RAI1: variants seen among roughly 807,000 people sequenced by gnomAD.
RAI1 encodes the protein retinoic acid-induced protein 1.
In RAI1, 9 loss-of-function variants were observed where a neutral mutation model predicts 123.8. The ratio of observed to expected loss-of-function variants is 0.07; its 90% CI spans 0.04 to 0.13. The LOEUF (loss-of-function observed/expected upper bound fraction) is 0.13, where lower values mean the gene tolerates loss of function less well. Ranked by LOEUF, RAI1 falls within the 10% of genes least tolerant of loss-of-function variation. RAI1 has a pLI of 1.00. For missense variants in RAI1, 2,256 were observed against 2,545.8 expected, an observed-to-expected ratio of 0.89 and a Z score of 2.45; for synonymous variants, 1,231 against 1,127.3, an observed-to-expected ratio of 1.09 and a Z score of -1.84.
In RAI1 at chr17:17,795,148, G is replaced by A. The variant is rs780371904; in HGVS notation, c.2200G>A (p.Ala734Thr). 77 of 1,613,866 alleles carry A rather than the reference G, an allele frequency of 4.8e-5. No individual in the cohort carries two copies. The highest frequency in any genetic ancestry group is 5.9e-5 in the Non-Finnish European group (70 of 1,180,048). ...TTTTGACTGTTTCCCGGACACAACC[G>A]CTGCCAGCTCAGCGGACAGCGCCAA... is the stretch of plus-strand genomic sequence containing the variant. ...AAFDCFPDTTAASSADSANPF... is the reference protein window; with the variant it reads ...AAFDCFPDTTTASSADSANPF... The change falls in exon 3 of 6, where the codon GCT becomes ACT. Residue 734 changes from alanine to threonine, a missense_variant. By Grantham distance (58) the Ala-to-Thr change is moderately conservative (BLOSUM62 0). Coordinates refer to ENST00000353383, the MANE Select transcript of RAI1 (RefSeq NM_030665.4). The surrounding 1 kb of genome is among the most constrained non-coding windows in gnomAD (Gnocchi z 5.9).
chr17:17,741,927 T>A (rs1350434896), intron 2 of RAI1, among the ~76,000 whole-genome samples: 1 of 152,206 alleles, frequency 6.6e-6, no homozygotes, highest in Non-Finnish European at 1.5e-5. Flanking sequence ...GATGGGTAAA[T>A]CCGTTTTATC....
At chr17:17,716,703 A>G (rs994805738) in intron 1 of RAI1, among the ~76,000 whole-genome samples, 4 of 151,294 alleles carry the variant, frequency 2.6e-5, no homozygotes, top group Non-Finnish European at 4.4e-5. Flanking sequence ...GGGTGTGTCT[A>G]CGTGTGTGTC....
intron 2 of RAI1, among the ~76,000 whole-genome samples, chr17:17,769,375 C>T (rs758489881): frequency 1.3e-5 from 2 of 152,204 alleles, no homozygotes; most frequent in Admixed American, 6.5e-5. Context: ...TGGGACAGCC[C>T]GGGTCGGATC....
chr17:17,791,854 A>G (rs1425842589), intron 2 of RAI1, among the ~76,000 whole-genome samples: 1 of 151,930 alleles, frequency 6.6e-6, no homozygotes, highest in East Asian at 1.9e-4. Flanking sequence ...GGCTCCCGCA[A>G]CCCACCCTGG....
chr17:17,720,170 A>G (rs1431819938), intron 1 of RAI1, among the ~76,000 whole-genome samples: 1 of 152,166 alleles, frequency 6.6e-6, no homozygotes, highest in African/African-American at 2.4e-5. Context: ...TCTCTGGTCA[A>G]CAGCTCCTGT....
intron 2 of RAI1, among the ~76,000 whole-genome samples, chr17:17,746,458 GT>G (rs1269004910): frequency 6.6e-6 from 1 of 152,118 alleles, no homozygotes; most frequent in African/African-American, 2.4e-5. Flanking sequence ...GCCCTAAGGG[GT>G]TTAAGAGGAG....
intron 2 of RAI1, among the ~76,000 whole-genome samples, chr17:17,771,542 G>A: frequency 6.6e-6 from 1 of 152,340 alleles, no homozygotes; most frequent in South Asian, 2.1e-4. Flanking sequence ...TGAGGCGGGT[G>A]TTTGCCCGAA....
Position 17,797,849 on chromosome 17 carries a change from C to G in RAI1, c.4901C>G (p.Ser1634Cys), listed in dbSNP as rs767804365. ...HRKPSSSASS[S>C]SSSSSFSLDA... ...AAGCCTTCCTCCTCTGCCTCCTCTT[C>G]CTCATCCTCGTCCTCGTTCTCCTTG... The change falls in exon 3 of 6, where the codon TCC becomes TGC. Residue 1634 changes from serine (S) to cysteine (C), a missense_variant. Physicochemically the swap from Ser to Cys is moderately radical, Grantham distance 112 (BLOSUM62 -1). Transcript: ENST00000353383. 3.7e-6 allele frequency: 6 copies of G among 1,614,034 alleles called. No individual in the cohort carries two copies. The South Asian group carries it at 4.4e-5, about 12-fold the overall frequency.
intron 3 of RAI1, among the ~76,000 whole-genome samples, chr17:17,802,551 C>T (rs1381653527): frequency 2.6e-5 from 4 of 152,106 alleles, no homozygotes; most frequent in Admixed American, 1.3e-4. Context: ...CTGAGGTGGG[C>T]GGATCACGAG....
chr17:17,801,477 A>G lies in RAI1; in HGVS notation c.5566-2279A>G, dbSNP rs2032460585. Among the ~76,000 whole-genome samples the G allele has an allele frequency of 6.6e-6, 1 of 152,154 alleles. No individual in the cohort carries two copies. Among genetic ancestry groups the G allele is most frequent in the African/African-American group, 2.4e-5 (1 of 41,432 alleles). ...GGCCTCCGTGCAGTAAGTGGAGAGA[A>G]GCCTTCAGCCAGAGGACCCCCATAT... On this transcript the variant is annotated intron_variant, in intron 3 of 5. Coordinates refer to ENST00000353383, the MANE Select transcript of RAI1 (RefSeq NM_030665.4). This position sits in a 1 kb window ranked among gnomAD's most constrained non-coding sequence, Gnocchi z 4.1.
intron 1 of RAI1, among the ~76,000 whole-genome samples, chr17:17,709,199 G>A (rs759458479): frequency 2.0e-5 from 3 of 152,234 alleles, no homozygotes; most frequent in African/African-American, 7.2e-5. Context: ...CAAGGAGGGC[G>A]TAGCATCTGT....
At chr17:17,780,994 C>T (rs1235297865) in intron 2 of RAI1, among the ~76,000 whole-genome samples, 2 of 152,198 alleles carry the variant, frequency 1.3e-5, no homozygotes, top group African/African-American at 2.4e-5. Flanking sequence ...CCCCTCCCCT[C>T]CCAGGAGCTA....
At chr17:17,777,826 C>T (rs1362447804) in intron 2 of RAI1, 2 of 152,328 alleles carry the variant, frequency 1.3e-5, no homozygotes, top group East Asian at 3.8e-4. Flanking sequence ...TTTATCCGTG[C>T]ACTGCTGTCA....
chr17:17,790,425 A>T (rs2031971113), intron 2 of RAI1, among the ~76,000 whole-genome samples: 2 of 152,214 alleles, frequency 1.3e-5, no homozygotes, highest in South Asian at 4.1e-4. Context: ...CACCGCATCC[A>T]GCTGCTCGTG....
At chr17:17,695,442 A>G (rs1025677522) in intron 1 of RAI1, among the ~76,000 whole-genome samples, 21 of 151,554 alleles carry the variant, frequency 1.4e-4, no homozygotes, top group African/African-American at 5.1e-4. Flanking sequence ...TGCTGCCAAC[A>G]CTGCCCTGTC....
intron 2 of RAI1, among the ~76,000 whole-genome samples, chr17:17,725,633 C>T (rs970917429): frequency 2.6e-5 from 4 of 152,044 alleles, no homozygotes; most frequent in African/African-American, 4.8e-5. Context: ...GGTGGAAGAG[C>T]GAAGGGCTAG....
intron 1 of RAI1, among the ~76,000 whole-genome samples, chr17:17,683,126 T>A (rs1250250823): frequency 6.6e-6 from 1 of 152,222 alleles, no homozygotes; most frequent in Admixed American, 6.5e-5. Context: ...TCAAGGGCAT[T>A]ACATCTGGTT....
intron 2 of RAI1, among the ~76,000 whole-genome samples, chr17:17,745,873 A>C (rs962726789): frequency 6.6e-6 from 1 of 152,128 alleles, no homozygotes; most frequent in African/African-American, 2.4e-5. Flanking sequence ...ATGTGGCCGG[A>C]GGAGAGGGGC....
chr17:17,734,247 G>C (rs1017663168), intron 2 of RAI1, among the ~76,000 whole-genome samples: 2 of 152,004 alleles, frequency 1.3e-5, no homozygotes, highest in Admixed American at 6.6e-5. Context: ...CGACCAAAAG[G>C]GGGCTTGGCA....
Sources: allele counts gnomAD v4.1 joint callset (sites outside exome capture counted in the v4.1 genomes callset), GRCh38; gene constraint gnomAD v4.1.1; non-coding constraint Gnocchi (gnomAD v3.1); transcripts MANE v1.5; gene names NCBI Gene and HGNC (gene_info 2026-07-23, HGNC 2026-07-21).